ERC2: variants seen among roughly 807,000 people sequenced by gnomAD.
The protein encoded by ERC2 is ELKS/RAB6-interacting/CAST family member 2.
A neutral mutation model predicts 114.8 loss-of-function variants in ERC2; 42 were observed. The observed-to-expected ratio is 0.37, with a 90% CI of 0.29 to 0.47. The LOEUF (loss-of-function observed/expected upper bound fraction) is 0.47, where lower values mean the gene tolerates loss of function less well. Ranked by LOEUF, ERC2 falls within the 20% of genes least tolerant of loss-of-function variation. The probability of loss-of-function intolerance (pLI) is 0.99; values close to 1 mark genes in which losing one functional copy is unlikely to be tolerated. For synonymous variants in ERC2, 454 were observed against 425.5 expected (o/e 1.07, Z -0.82); for missense variants, 939 against 1,150.7 (o/e 0.82, Z 2.66).
chr3:55,893,185 T>C (rs1349659576), intron 13 of ERC2, among the ~76,000 whole-genome samples: 2 of 152,150 alleles, frequency 1.3e-5, no homozygotes, highest in African/African-American at 4.8e-5. Flanking sequence ...CTGTTATGTA[T>C]AAGCCACCTA....
At chr3:55,820,838 C>T (rs1325346198) in intron 14 of ERC2, among the ~76,000 whole-genome samples, 1 of 152,218 alleles carries the variant, frequency 6.6e-6, no homozygotes, top group Non-Finnish European at 1.5e-5. Flanking sequence ...CATCTGATCA[C>T]TCAAGGAACA....
intron 1 of ERC2, among the ~76,000 whole-genome samples, chr3:56,455,921 C>G (rs1408123710): frequency 1.3e-5 from 2 of 152,106 alleles, no homozygotes; most frequent in African/African-American, 4.8e-5. Flanking sequence ...GTGGGCTGAG[C>G]CCACAAAAAA....
At chr3:56,302,892 T>C (rs1047882590) in intron 2 of ERC2, among the ~76,000 whole-genome samples, 9 of 152,208 alleles carry the variant, frequency 5.9e-5, no homozygotes, top group African/African-American at 2.2e-4. Flanking sequence ...GGAAAGGACA[T>C]TACCAGGTGA....
chr3:56,108,381 A>C (rs987105673), intron 6 of ERC2, among the ~76,000 whole-genome samples: 1 of 152,140 alleles, frequency 6.6e-6, no homozygotes, highest in African/African-American at 2.4e-5. Flanking sequence ...TTCAAAGTAG[A>C]AATAGTGACA....
intron 2 of ERC2, among the ~76,000 whole-genome samples, chr3:56,421,606 A>G (rs1189860004): frequency 1.3e-5 from 2 of 152,232 alleles, no homozygotes; most frequent in Non-Finnish European, 2.9e-5. Flanking sequence ...CCGCTTTTTC[A>G]TAAGAGATAT....
At chr3:56,043,858 AT>A (rs899570869) in intron 7 of ERC2, among the ~76,000 whole-genome samples, 3 of 152,166 alleles carry the variant, frequency 2.0e-5, no homozygotes, top group Non-Finnish European at 4.4e-5. Flanking sequence ...AATAATGTAT[AT>A]TTTAGTAATT....
intron 5 of ERC2, among the ~76,000 whole-genome samples, chr3:56,144,278 A>G (rs1050492749): frequency 6.6e-6 from 1 of 152,238 alleles, no homozygotes; most frequent in South Asian, 2.1e-4. Context: ...TCTCTCATAC[A>G]TAACAAGAAT....
intron 8 of ERC2, among the ~76,000 whole-genome samples, chr3:56,018,644 G>A (rs1470893336): frequency 6.6e-6 from 1 of 152,126 alleles, no homozygotes; most frequent in African/African-American, 2.4e-5. Context: ...TAAGAGCAAT[G>A]GCAAGCTAGT....
At chr3:56,217,015 G>A (rs1323613619) in intron 3 of ERC2, among the ~76,000 whole-genome samples, 2 of 152,066 alleles carry the variant, frequency 1.3e-5, no homozygotes, top group Admixed American at 1.3e-4. Context: ...GCTATCTATG[G>A]CAAACCCACA....
Position 56,389,025 on chromosome 3 carries a change from A to C in ERC2, c.657+45326T>G, listed in dbSNP as rs1467277343. Among the ~76,000 whole-genome samples, 3 of 152,210 alleles carry C rather than the reference A, an allele frequency of 2.0e-5. 1 individual carries two copies. Among genetic ancestry groups the C allele is most frequent in the Non-Finnish European group, 4.4e-5 (3 of 68,032 alleles). On this transcript the variant is annotated intron_variant, in intron 2 of 17. Transcript: ENST00000288221. ...TTCAGAGTATTAGGAGTACCAAAAA[A>C]AAAGAGTACAAAAATTGTAATGCAT...
chr3:56,365,164 C>G (rs2059103184), intron 2 of ERC2, among the ~76,000 whole-genome samples: 1 of 152,192 alleles, frequency 6.6e-6, no homozygotes, highest in African/African-American at 2.4e-5. Flanking sequence ...CTCTATTACA[C>G]TGATGTGAGT....
intron 14 of ERC2, among the ~76,000 whole-genome samples, chr3:55,768,954 G>A (rs9815001): frequency 0.26 from 39,780 of 152,078 alleles, 6,063 homozygotes; most frequent in African/African-American, 0.41. Flanking sequence ...ATCTTAGGAC[G>A]GGAGAAAAAT....
intron 17 of ERC2, among the ~76,000 whole-genome samples, chr3:55,523,505 G>A (rs747605376): frequency 2.0e-5 from 3 of 152,120 alleles, no homozygotes; most frequent in Non-Finnish European, 4.4e-5. Context: ...TTCTTCAGGG[G>A]AGCCTTCCTG....
At chr3:55,963,923 G>C (rs1224583336) in intron 12 of ERC2, among the ~76,000 whole-genome samples, 1 of 152,192 alleles carries the variant, frequency 6.6e-6, no homozygotes, top group Non-Finnish European at 1.5e-5. Context: ...GTGTATGCAA[G>C]ACCTACTTTT....
intron 17 of ERC2, among the ~76,000 whole-genome samples, chr3:55,648,280 G>A (rs2060476091): frequency 6.6e-6 from 1 of 152,176 alleles, no homozygotes; most frequent in South Asian, 2.1e-4. Context: ...GACAGACTTG[G>A]GTGGGACTTC....
intron 3 of ERC2, among the ~76,000 whole-genome samples, chr3:56,291,715 C>T (rs574902534): frequency 6.6e-6 from 1 of 151,886 alleles, no homozygotes; most frequent in East Asian, 1.9e-4. Context: ...CATTTTAAAT[C>T]TTGTTTTAGA....
chr3:56,321,539 G>T (rs1560589233), intron 2 of ERC2, among the ~76,000 whole-genome samples: 2 of 152,216 alleles, frequency 1.3e-5, no homozygotes, highest in African/African-American at 2.4e-5. Flanking sequence ...ACACAAGGGG[G>T]AGGCTTTTAT....
chr3:56,448,852 G>A (rs955410624), intron 1 of ERC2, among the ~76,000 whole-genome samples: 4 of 152,108 alleles, frequency 2.6e-5, no homozygotes, highest in African/African-American at 9.7e-5. Flanking sequence ...AAGGCAGGTG[G>A]ATCACAAGGT....
chr3:56,047,918 A>G (rs1291748694), intron 7 of ERC2, among the ~76,000 whole-genome samples: 1 of 152,158 alleles, frequency 6.6e-6, no homozygotes, highest in African/African-American at 2.4e-5. Context: ...ACCCACAAAA[A>G]AAGAAGCAGC....
Sources: gnomAD v4.1 joint callset for allele counts (sites outside exome capture counted in the v4.1 genomes callset) on GRCh38, gnomAD v4.1.1 for gene constraint, MANE v1.5 for transcripts, NCBI Gene and HGNC (gene_info 2026-07-23, HGNC 2026-07-21) for gene names.